ADAMTS4: variants seen among roughly 807,000 people sequenced by gnomAD.
ADAMTS4 encodes the protein ADAM metallopeptidase with thrombospondin type 1 motif 4, also known as A disintegrin and metalloproteinase with thrombospondin motifs 4.
Under a neutral mutation model 66.7 loss-of-function variants are expected in ADAMTS4, and 38 were observed. The ratio of observed to expected loss-of-function variants is 0.57; its 90% confidence interval spans 0.44 to 0.75. ADAMTS4 has a LOEUF of 0.75. Ranked by LOEUF, ADAMTS4 falls within the 30% of genes least tolerant of loss-of-function variation. The probability of loss-of-function intolerance (pLI) is 0.00; values close to 1 mark genes in which losing one functional copy is unlikely to be tolerated. For missense variants in ADAMTS4, 1,014 were observed against 1,116.7 expected, an observed-to-expected ratio of 0.91 and a Z score of 1.31; for synonymous variants, 418 against 461.5, an observed-to-expected ratio of 0.91 and a Z score of 1.21.
In ADAMTS4 at chr1:161,197,124, A is replaced by G; in HGVS notation, c.634-244T>C. The G allele has an allele frequency of 1.8e-5, 9 of 495,354 alleles. No homozygotes were observed. The South Asian group carries it at 1.9e-4, about 11-fold the overall frequency. The allele number at this position is 495,354 out of a possible 1,614,324, so 30.7% of individuals were successfully genotyped here. ...GTTCTAAGAAGGGGAGGAGAAGGGG[A>G]CGCCACATCCCAGGGCTGCGGGAGC... On this transcript the variant is annotated intron_variant, in intron 1 of 8. Transcript: ENST00000367996.
rs200032286 is a variant in ADAMTS4, at chr1:161,191,150, C to G, written c.2502G>C (p.Ala834=). 6.4e-7 allele frequency: 1 copy of G among 1,550,738 alleles called. No homozygotes were observed. The highest frequency in any genetic ancestry group is 1.2e-5 in the South Asian group (1 of 82,814). The change falls in exon 9 of 9, where the codon GCG becomes GCC. Residue 834 remains alanine (A), a synonymous_variant. Coordinates refer to ENST00000367996, the MANE Select transcript of ADAMTS4 (RefSeq NM_005099.6). ...ILEILRRRPW[A]GRK The stretch of plus-strand genomic sequence containing the variant: ...CGGGATAGTGAGGTTATTTCCTGCC[C>G]GCCCAGGGGCGCCGCCGAAGGATCT...
intron 8 of ADAMTS4, 56 bp from the exon 9 acceptor site, chr1:161,191,620 T>A: frequency 6.6e-7 from 1 of 1,518,430 alleles, no homozygotes; most frequent in Non-Finnish European, 9.0e-7. Context: ...CTCAGCCTTC[T>A]GAGCTGTGCT....
At position 161,198,251 on chromosome 1, in the gene ADAMTS4, G is replaced by A. The variant is rs903882429; in HGVS notation, c.377C>T (p.Thr126Ile). 3.1e-6 allele frequency: 5 copies of A among 1,614,054 alleles called. No homozygotes were observed. The highest frequency in any genetic ancestry group is 4.2e-6 in the Non-Finnish European group (5 of 1,180,008). The change falls in exon 1 of 9, where the codon ACC (threonine) becomes ATC (isoleucine). Residue 126 changes from threonine (T) to isoleucine (I), a missense_variant. Transcript: ENST00000367996. The surrounding 1 kb of genome is among the most constrained non-coding windows in gnomAD (Gnocchi z 4.7). ...PELLGGAEPG[T>I]YLTGTINGDP... ...TCCATTGATGGTGCCAGTCAGGTAG[G>A]TGCCAGGCTCTGCTCCACCCAGCAG...
chr1:161,190,841 A>G lies in ADAMTS4; in HGVS notation c.*297T>C, dbSNP rs1664651935. On this transcript the variant is annotated 3_prime_UTR_variant, in exon 9 of 9. Transcript: ENST00000367996. ...AGTGAATAAATACTAAATAAATACA[A>G]CTGGGGCCCAGGCCCTCCCTGCCTT... 8.9e-6 allele frequency: 3 copies of G among 335,196 alleles called. No individual in the cohort carries two copies. In the Admixed American group the frequency reaches 1.3e-4, roughly 15 times the overall value. 20.8% of individuals were successfully genotyped at this position (335,196 alleles called of 1,614,324 possible).
rs970360440 is a variant in ADAMTS4 at position 161,187,860 on chromosome 1, C to T, written c.*3278G>A. On this transcript the variant is annotated 3_prime_UTR_variant, in exon 9 of 9. Transcript: ENST00000367996. ...CCCTAGCAGTCCTGCGTCTGCCTCT[C>T]AAAACTCCAAATTCTTGCAGGGTCT... 1 of 151,868 alleles carries T rather than the reference C, an allele frequency of 6.6e-6. No homozygotes were observed. The highest frequency in any genetic ancestry group is 6.6e-5 in the Admixed American group (1 of 15,206). 9.4% of individuals were successfully genotyped at this position (151,868 alleles called of 1,614,324 possible).
Position 161,196,283 on chromosome 1 carries a change from A to AGTGGAGACTCCACACAGGTCCT in ADAMTS4, c.958-2_977dup (p.Cys327GlyfsTer15). 6.2e-7 allele frequency: 1 copy of AGTGGAGACTCCACACAGGTCCT among 1,613,188 alleles called. No homozygotes were observed. Among genetic ancestry groups the AGTGGAGACTCCACACAGGTCCT allele is most frequent in the Non-Finnish European group, 8.5e-7 (1 of 1,179,492 alleles). On this transcript the variant is annotated frameshift_variant, in exon 3 of 9. Coordinates refer to ENST00000367996, the MANE Select transcript of ADAMTS4 (RefSeq NM_005099.6). LOFTEE classifies it high-confidence loss of function. ...CATCAGCCATACCCAGCGTGTCGCA[A>AGTGGAGACTCCACACAGGTCCT]GTGGAGACTCCACACAGGTCCTGTG...
Position 161,189,569 on chromosome 1 carries a change from G to A in ADAMTS4, c.*1569C>T, listed in dbSNP as rs909840945. On this transcript the variant is annotated 3_prime_UTR_variant, in exon 9 of 9. Transcript: ENST00000367996. ...GGGATGGAATTTTCCTTTCTCTGTT[G>A]GTCCCTCAGAACCCAGGATAGGGGT... The A allele has an allele frequency of 1.3e-5, 2 of 152,112 alleles. No individual in the cohort carries two copies. The highest frequency in any genetic ancestry group is 2.4e-5 in the African/African-American group (1 of 41,408). The allele number at this position is 152,112 out of a possible 1,614,324, so 9.4% of individuals were successfully genotyped here.
At chr1:161,196,941 A>C (rs760759743) in intron 1 of ADAMTS4, 61 bp from the exon 2 acceptor site, 4 of 1,427,342 alleles carry the variant, frequency 2.8e-6, no homozygotes, top group Non-Finnish European at 3.8e-6. Context: ...GGGTCGGTCG[A>C]TTCTCCAATC....
chr1:161,198,058 T>C lies in ADAMTS4; in HGVS notation c.570A>G (p.Gln190=). ...GAGCCTTGACGTTGCACATGGGACCTTGACCGCTGGCAGGACTCTTCCGGC... is the reference window on the plus strand; with the variant it reads ...GAGCCTTGACGTTGCACATGGGACCCTGACCGCTGGCAGGACTCTTCCGGC... ...ILRRKSPASG[Q]GPMCNVKAPL... The change falls in exon 1 of 9, where the codon CAA becomes CAG. Residue 190 remains glutamine (Q), a synonymous_variant. Transcript: ENST00000367996. The surrounding 1 kb of genome is among the most constrained non-coding windows in gnomAD (Gnocchi z 4.7). The C allele has an allele frequency of 1.2e-6, 2 of 1,607,334 alleles. No homozygotes were observed. The highest frequency in any genetic ancestry group is 1.7e-6 in the Non-Finnish European group (2 of 1,175,544).
rs765392088 is a variant in ADAMTS4, at chr1:161,194,012, C to T, written c.1471G>A (p.Asp491Asn). 20 of 1,613,264 alleles carry T rather than the reference C, an allele frequency of 1.2e-5. 1 individual carries two copies. The highest frequency in any genetic ancestry group is 1.6e-4 in the Middle Eastern group (1 of 6,076). ...TGTGCGGGCCCGCAGGGTGTGCCATCGGCCCAGGGCGAGTGTTTGGTCTGG... is the reference window on the plus strand; with the variant it reads ...TGTGCGGGCCCGCAGGGTGTGCCATTGGCCCAGGGCGAGTGTTTGGTCTGG... ...MCQTKHSPWA[D>N]GTPCGPAQAC... The change falls in exon 5 of 9, where the codon GAT (aspartate) becomes AAT (asparagine). Residue 491 changes from aspartate (D) to asparagine (N), a missense_variant. Coordinates refer to ENST00000367996, the MANE Select transcript of ADAMTS4 (RefSeq NM_005099.6). This position sits in a 1 kb window ranked among gnomAD's most constrained non-coding sequence, Gnocchi z 4.1.
intron 3 of ADAMTS4, 126 bp from the exon 4 acceptor site, chr1:161,195,761 C>G (rs1664805288): frequency 1.1e-6 from 1 of 931,586 alleles, no homozygotes; most frequent in Non-Finnish European, 1.6e-6. Context: ...GCCCCCAGTC[C>G]TTTCCTTTAT....
Position 161,198,316 on chromosome 1 carries a change from G to C in ADAMTS4, c.312C>G (p.Val104=). 1 of 1,613,328 alleles carries C rather than the reference G, an allele frequency of 6.2e-7. No individual in the cohort carries two copies. The highest frequency in any genetic ancestry group is 1.1e-5 in the South Asian group (1 of 91,078). ...CCAGGTACTGCACTGTCAGCCCCTC[G>C]ACCTGCACACCGGAGTCCTGCTCCA... ...LELEQDSGVQ[V]EGLTVQYLGQ... Residue 104 remains valine, a synonymous_variant, in exon 1 of 9, where the codon GTC becomes GTG. Transcript: ENST00000367996. The surrounding 1 kb of genome is among the most constrained non-coding windows in gnomAD (Gnocchi z 4.7).
At chr1:161,196,120 C>A in intron 3 of ADAMTS4, 51 bp downstream of exon 3, 1 of 1,522,322 alleles carries the variant, frequency 6.6e-7, no homozygotes, top group Non-Finnish European at 8.8e-7. Flanking sequence ...CTTGCTACCC[C>A]CTCCCCCACC....
chr1:161,196,957 C>T (rs1664867347), intron 1 of ADAMTS4, 77 bp from the exon 2 acceptor site: 15 of 1,321,266 alleles, frequency 1.1e-5, no homozygotes, highest in Non-Finnish European at 1.5e-5. Flanking sequence ...CAATCCCTCA[C>T]TTCCTGGGTC....
In ADAMTS4 at chr1:161,193,538, C is replaced by T. The variant is rs1664732798; in HGVS notation, c.1735+102G>A. Reference sequence around the variant, plus strand: ...TCCCAGAGGTTAAAGGCACTCCCCACAGCAGCAGGGGAATCAACACCCCCT... The same window carrying T: ...TCCCAGAGGTTAAAGGCACTCCCCATAGCAGCAGGGGAATCAACACCCCCT... On this transcript the variant is annotated intron_variant, in intron 6 of 8. Coordinates refer to ENST00000367996, the MANE Select transcript of ADAMTS4 (RefSeq NM_005099.6). This position sits in a 1 kb window ranked among gnomAD's most constrained non-coding sequence, Gnocchi z 4.4. 6.6e-7 allele frequency: 1 copy of T among 1,508,810 alleles called. No individual in the cohort carries two copies. The allele number at this position is 1,508,810 out of a possible 1,614,324, so 93.5% of individuals were successfully genotyped here.
rs946558728 is a variant in ADAMTS4 at position 161,184,746 on chromosome 1, C to T, written c.*6392G>A. ...ATCAACAGAATGTGTTGGCCAGGCA[C>T]CCTGGCTCACACCTGTAATCCCAGC... On this transcript the variant is annotated 3_prime_UTR_variant, in exon 9 of 9. Transcript: ENST00000367996. 2 of 152,138 alleles carry T rather than the reference C, an allele frequency of 1.3e-5. No homozygotes were observed. Among genetic ancestry groups the T allele is most frequent in the Admixed American group, 6.5e-5 (1 of 15,280 alleles). 9.4% of individuals were successfully genotyped at this position (152,138 alleles called of 1,614,324 possible).
Position 161,194,312 on chromosome 1 carries a change from T to C in ADAMTS4, c.1262-91A>G. On this transcript the variant is annotated intron_variant, in intron 4 of 8. Transcript: ENST00000367996. This position sits in a 1 kb window ranked among gnomAD's most constrained non-coding sequence, Gnocchi z 4.1. ...AAAGCTTAGGCTCCCTGGGGCCTGA[T>C]GGAGCCTAGAAAAACAATCCTAGGA... 7.9e-7 allele frequency: 1 copy of C among 1,258,836 alleles called. No homozygotes were observed. Among genetic ancestry groups the C allele is most frequent in the East Asian group, 2.4e-5 (1 of 42,232 alleles). The allele number at this position is 1,258,836 out of a possible 1,614,324, so 78.0% of individuals were successfully genotyped here. A position where few individuals can be genotyped will look rare whatever the true frequency, so the allele number is the denominator to read the frequency against.
rs920496137 is a variant in ADAMTS4, at chr1:161,193,101, G to T, written c.1911+112C>A. ...CTGAGTGGAATCCTGGACTGGGCTG[G>T]CGTGGCTGTAGGAACAGGGTTACTT... On this transcript the variant is annotated intron_variant, in intron 7 of 8. Coordinates refer to ENST00000367996, the MANE Select transcript of ADAMTS4 (RefSeq NM_005099.6). The surrounding 1 kb of genome is among the most constrained non-coding windows in gnomAD (Gnocchi z 4.4). 2.2e-5 allele frequency: 27 copies of T among 1,230,942 alleles called. No individual in the cohort carries two copies. The African/African-American group carries it at 3.3e-4, about 15-fold the overall frequency. The allele number at this position is 1,230,942 out of a possible 1,614,324, so 76.3% of individuals were successfully genotyped here. A position where few individuals can be genotyped will look rare whatever the true frequency, so the allele number is the denominator to read the frequency against.
In ADAMTS4 at chr1:161,194,332, C is replaced by G. The variant is rs1664762529; in HGVS notation, c.1262-111G>C. 6.2e-6 allele frequency: 6 copies of G among 969,888 alleles called. No homozygotes were observed. In the East Asian group the frequency reaches 7.7e-5, roughly 12 times the overall value. 60.1% of individuals were successfully genotyped at this position (969,888 alleles called of 1,614,324 possible). ...CCTGATGGAGCCTAGAAAAACAATCCTAGGACTATAAGAGGATTTAAATTT... is the reference window on the plus strand; with the variant it reads ...CCTGATGGAGCCTAGAAAAACAATCGTAGGACTATAAGAGGATTTAAATTT... On this transcript the variant is annotated intron_variant, in intron 4 of 8. Transcript: ENST00000367996. The surrounding 1 kb of genome is among the most constrained non-coding windows in gnomAD (Gnocchi z 4.1).
Sources: gnomAD v4.1 joint callset for allele counts on GRCh38, gnomAD v4.1.1 for gene constraint, Gnocchi (gnomAD v3.1) non-coding constraint, MANE v1.5 for transcripts, NCBI Gene and HGNC (gene_info 2026-07-23, HGNC 2026-07-21) for gene names.